The following STXBP6 variants were observed in gnomAD, a reference collection of about 807,000 sequenced individuals.
STXBP6 encodes syntaxin-binding protein 6.
A neutral mutation model predicts 26.9 loss-of-function variants in STXBP6; 21 were observed. That is an observed-to-expected ratio of 0.78 (90% CI 0.55 to 1.12). The LOEUF (loss-of-function observed/expected upper bound fraction) is 1.12, where lower values mean the gene tolerates loss of function less well. STXBP6 is among the 50% of genes most tolerant of loss of function. The pLI, the probability that STXBP6 is intolerant of heterozygous loss-of-function variation, is 0.00. For synonymous variants in STXBP6, 97 were observed against 92.6 expected, an observed-to-expected ratio of 1.05 and a Z score of -0.27; for missense variants, 232 against 257.9, an observed-to-expected ratio of 0.90 and a Z score of 0.69.
chr14:24,959,360 C>T (rs950912624), intron 2 of STXBP6, among the ~76,000 whole-genome samples: 3 of 152,024 alleles, frequency 2.0e-5, no homozygotes, highest in Non-Finnish European at 4.4e-5. Flanking sequence ...GCACAAGAGG[C>T]GAATGGTAGT....
chr14:24,984,280 C>A (rs553472856), intron 1 of STXBP6, among the ~76,000 whole-genome samples: 1 of 152,122 alleles, frequency 6.6e-6, no homozygotes, highest in Admixed American at 6.5e-5. Flanking sequence ...AAAAAAGAAA[C>A]CTTCCTTATT....
chr14:24,850,660 C>T (rs8019575), intron 4 of STXBP6, among the ~76,000 whole-genome samples: 29,989 of 151,978 alleles, frequency 0.2, 3,801 homozygotes, highest in Admixed American at 0.37. Context: ...CAATGTTTCA[C>T]GTCTATTTAC....
chr14:24,995,431 G>GT (rs36006921), intron 1 of STXBP6, among the ~76,000 whole-genome samples: 19,226 of 148,424 alleles, frequency 0.13, 2,258 homozygotes, highest in African/African-American at 0.31. Flanking sequence ...CTCAATAATA[G>GT]TTTTTTTTTT....
chr14:24,973,529 G>A (rs975741312), intron 2 of STXBP6, among the ~76,000 whole-genome samples: 2 of 151,794 alleles, frequency 1.3e-5, no homozygotes, highest in Admixed American at 6.6e-5. Flanking sequence ...GGGAGTACAG[G>A]TGAGTGCCAT....
At chr14:24,819,929 T>C (rs891503848) in intron 4 of STXBP6, among the ~76,000 whole-genome samples, 5 of 152,132 alleles carry the variant, frequency 3.3e-5, no homozygotes, top group African/African-American at 9.7e-5. Context: ...AAACCAGCCC[T>C]AGAAGAAACT....
chr14:24,890,692 T>C lies in STXBP6; in HGVS notation c.155-33535A>G, dbSNP rs141355941. 3.6e-4 allele frequency among the ~76,000 whole-genome samples: 55 copies of C among 152,312 alleles called. No individual in the cohort carries two copies. The East Asian group carries it at 8.3e-3, about 23-fold the overall frequency. ...AGCGTCCTTTTGGACTTCTAGAGGA[T>C]ACTGGAATCTAGAATACAAAGCCAC... On this transcript the variant is annotated intron_variant, in intron 2 of 5. Transcript: ENST00000323944.
Position 25,049,048 on chromosome 14 carries a change from G to T in STXBP6, c.-33+830C>A. 1 of 563,640 alleles carries T rather than the reference G, an allele frequency of 1.8e-6. No individual in the cohort carries two copies. The highest frequency in any genetic ancestry group is 2.3e-6 in the Non-Finnish European group (1 of 444,246). The allele number at this position is 563,640 out of a possible 1,614,324, so 34.9% of individuals were successfully genotyped here. A position where few individuals can be genotyped will look rare whatever the true frequency, so the allele number is the denominator to read the frequency against. ...TGAAATCCTGGGGCCAGAACCAAGG[G>T]CAGATACACCCCGGGGACTTTCTCC... On this transcript the variant is annotated intron_variant, in intron 1 of 5. Transcript: ENST00000323944. The surrounding 1 kb of genome is among the most constrained non-coding windows in gnomAD (Gnocchi z 5.6).
In STXBP6 at chr14:24,857,078, T is replaced by C. The variant is rs1332777495; in HGVS notation, c.234A>G (p.Ser78=). ...GGCGAAGCTGCTCGAGCATCCACTG[T>C]GATCTCCGAACAAATGATGTGGAGC... The part of the protein sequence containing the change: ...FEGSTSFVRR[S]QWMLEQLRQV... Residue 78 remains serine, a synonymous_variant, in exon 3 of 6, where the codon TCA becomes TCG. Transcript: ENST00000323944. 7 of 1,613,100 alleles carry C rather than the reference T, an allele frequency of 4.3e-6. No individual in the cohort carries two copies. In the South Asian group the frequency reaches 4.4e-5, roughly 10 times the overall value.
chr14:25,003,541 G>A (rs959823945), intron 1 of STXBP6, among the ~76,000 whole-genome samples: 6 of 152,152 alleles, frequency 3.9e-5, no homozygotes, highest in Non-Finnish European at 2.9e-5. Context: ...CCTAGCTACC[G>A]GGCAGGAAAA....
rs565124594 is a variant in STXBP6 at position 25,050,084 on chromosome 14, G to C, written c.-239C>G. 3.8e-3 allele frequency: 602 copies of C among 159,570 alleles called. 4 individuals carry two copies. Among genetic ancestry groups the C allele is most frequent in the African/African-American group, 0.013 (540 of 41,648 alleles). The allele number at this position is 159,570 out of a possible 1,614,324, so 9.9% of individuals were successfully genotyped here. A position where few individuals can be genotyped will look rare whatever the true frequency, so the allele number is the denominator to read the frequency against. ...AGGGAGGGGTTGGGGGGAAACTCCC[G>C]GCAACTCCAACTCCGGGCGCTGGAG... On this transcript the variant is annotated 5_prime_UTR_variant, in exon 1 of 6. Coordinates refer to ENST00000323944, the MANE Select transcript of STXBP6 (RefSeq NM_001394410.1).
intron 1 of STXBP6, among the ~76,000 whole-genome samples, chr14:25,029,211 G>T (rs1356807440): frequency 3.9e-5 from 6 of 152,138 alleles, no homozygotes; most frequent in African/African-American, 1.2e-4. Flanking sequence ...ATCACAAGCT[G>T]CAGGGAAATC....
Position 24,819,186 on chromosome 14 carries a change from T to C in STXBP6, c.460A>G (p.Ile154Val), listed in dbSNP as rs911784913. 3 of 1,614,122 alleles carry C rather than the reference T, an allele frequency of 1.9e-6. No homozygotes were observed. The highest frequency in any genetic ancestry group is 1.7e-5 in the Admixed American group (1 of 60,024). The change falls in exon 5 of 6, where the codon ATC (isoleucine) becomes GTC (valine). Residue 154 changes from isoleucine to valine, a missense_variant. Physicochemically the swap from Ile to Val is conservative, Grantham distance 29. Transcript: ENST00000323944. ...ACGCTGTCAGCAGCTGAATGGAGGA[T>C]GCTGTTTCCTGAAAGGAGGAGAGCA... ...CQSKIMGGNS[I>V]LHSAADSVTS...
chr14:24,959,106 T>C (rs2140108785), intron 2 of STXBP6, among the ~76,000 whole-genome samples: 1 of 152,356 alleles, frequency 6.6e-6, no homozygotes, highest in Middle Eastern at 3.4e-3. Context: ...CCACTACCAC[T>C]AGTTCTAGCA....
intron 2 of STXBP6, among the ~76,000 whole-genome samples, chr14:24,900,135 A>C (rs2071160457): frequency 6.6e-6 from 1 of 152,228 alleles, no homozygotes; most frequent in Non-Finnish European, 1.5e-5. Context: ...TCCTAATATT[A>C]GATTTTTCTT....
intron 1 of STXBP6, among the ~76,000 whole-genome samples, chr14:25,000,711 T>C (rs936503807): frequency 6.9e-6 from 1 of 145,246 alleles, no homozygotes; most frequent in Non-Finnish European, 1.5e-5. Context: ...AGAGGGAAAG[T>C]TAGAGTTTAA....
intron 2 of STXBP6, among the ~76,000 whole-genome samples, chr14:24,933,284 G>T (rs1300816340): frequency 3.3e-5 from 5 of 152,232 alleles, no homozygotes; most frequent in Non-Finnish European, 7.3e-5. Context: ...GGACAATGCA[G>T]TGAGCCAAGA....
intron 1 of STXBP6, among the ~76,000 whole-genome samples, chr14:25,035,112 T>C (rs1278503860): frequency 1.3e-5 from 2 of 150,872 alleles, no homozygotes; most frequent in Non-Finnish European, 2.9e-5. Context: ...GATCGCACCA[T>C]TGCACTCCAG....
chr14:25,008,416 CGAGGCTGTAGT>C (rs2074953281), intron 1 of STXBP6, among the ~76,000 whole-genome samples: 1 of 151,968 alleles, frequency 6.6e-6, no homozygotes, highest in African/African-American at 2.4e-5. Flanking sequence ...CCCAAGAGGT[CGAGGCTGTAGT>C]GAGCCATGAG....
chr14:24,898,786 C>A (rs1361803398), intron 2 of STXBP6, among the ~76,000 whole-genome samples: 1 of 152,144 alleles, frequency 6.6e-6, no homozygotes, highest in Non-Finnish European at 1.5e-5. Flanking sequence ...ATTCTTTTTT[C>A]TTTAAAGGCA....
Sources: allele counts gnomAD v4.1 joint callset (sites outside exome capture counted in the v4.1 genomes callset), GRCh38; gene constraint gnomAD v4.1.1; non-coding constraint Gnocchi (gnomAD v3.1); transcripts MANE v1.5; gene names NCBI Gene and HGNC (gene_info 2026-07-23, HGNC 2026-07-21).